ZBTB20: variants seen among roughly 807,000 people sequenced by gnomAD.
The protein encoded by ZBTB20 is zinc finger and BTB domain containing 20, also known as zinc finger and BTB domain-containing protein 20.
In ZBTB20, 9 loss-of-function variants were observed where a neutral mutation model predicts 56.9. The ratio of observed to expected loss-of-function variants is 0.16; its 90% CI spans 0.10 to 0.28. The LOEUF (loss-of-function observed/expected upper bound fraction) is 0.28, where lower values mean the gene tolerates loss of function less well. Among genes scored for constraint, ZBTB20 ranks in the 10% least tolerant of loss-of-function variants. The probability of loss-of-function intolerance (pLI) is 1.00; values close to 1 mark genes in which losing one functional copy is unlikely to be tolerated. For missense variants in ZBTB20, 655 were observed against 1,003.0 expected (o/e 0.65, Z 4.69); for synonymous variants, 417 against 420.7 (o/e 0.99, Z 0.11).
At chr3:114,384,098 C>T (rs1462347242) in intron 8 of ZBTB20, among the ~76,000 whole-genome samples, 1 of 84,514 alleles carries the variant, frequency 1.2e-5, no homozygotes, top group Non-Finnish European at 2.7e-5. Flanking sequence ...TTTCAGTTCT[C>T]ATTCTCTCTC....
At chr3:114,731,309 G>A (rs2065730896) in intron 5 of ZBTB20, among the ~76,000 whole-genome samples, 1 of 152,144 alleles carries the variant, frequency 6.6e-6, no homozygotes. Flanking sequence ...GGGTTGGAAA[G>A]TCATATCTCT....
At chr3:114,566,333 C>A (rs531970962) in intron 6 of ZBTB20, among the ~76,000 whole-genome samples, 2 of 152,104 alleles carry the variant, frequency 1.3e-5, no homozygotes, top group South Asian at 2.1e-4. Context: ...GGTCACACAG[C>A]GAGGATAACA....
intron 2 of ZBTB20, among the ~76,000 whole-genome samples, chr3:115,067,919 T>C (rs953508511): frequency 5.3e-5 from 8 of 152,232 alleles, no homozygotes; most frequent in South Asian, 2.1e-4. Flanking sequence ...GTTATAGATA[T>C]GCATTAATCC....
intron 2 of ZBTB20, among the ~76,000 whole-genome samples, chr3:115,025,122 T>G (rs2080367569): frequency 6.6e-6 from 1 of 151,244 alleles, no homozygotes; most frequent in Non-Finnish European, 1.5e-5. Flanking sequence ...ATGGGCCCAG[T>G]GTGTGTTGTT....
chr3:115,029,132 A>G (rs1182380618), intron 2 of ZBTB20, among the ~76,000 whole-genome samples: 5 of 150,618 alleles, frequency 3.3e-5, no homozygotes. Context: ...ACAATCTCTT[A>G]TTACCAATGA....
At chr3:114,477,763 G>C (rs2040976126) in intron 7 of ZBTB20, among the ~76,000 whole-genome samples, 2 of 151,858 alleles carry the variant, frequency 1.3e-5, no homozygotes, top group East Asian at 3.9e-4. Flanking sequence ...CCAAAGTGCT[G>C]GCATTACAGG....
At chr3:114,555,927 C>T (rs2051161543) in intron 6 of ZBTB20, among the ~76,000 whole-genome samples, 1 of 152,104 alleles carries the variant, frequency 6.6e-6, no homozygotes, top group African/African-American at 2.4e-5. Flanking sequence ...ACTTAAGCAG[C>T]TTGAAACTGG....
chr3:114,805,288 A>G (rs922860879), intron 4 of ZBTB20, among the ~76,000 whole-genome samples: 1 of 151,932 alleles, frequency 6.6e-6, no homozygotes, highest in Non-Finnish European at 1.5e-5. Flanking sequence ...CCAATCCAGG[A>G]TACCATACTG....
intron 4 of ZBTB20, among the ~76,000 whole-genome samples, chr3:114,894,640 C>G (rs2074794430): frequency 6.6e-6 from 1 of 152,098 alleles, no homozygotes; most frequent in South Asian, 2.1e-4. Context: ...CAGATACTTA[C>G]AGAGGGAAGA....
intron 4 of ZBTB20, among the ~76,000 whole-genome samples, chr3:114,879,661 T>C (rs1576205796): frequency 6.6e-6 from 1 of 152,232 alleles, no homozygotes; most frequent in Non-Finnish European, 1.5e-5. Flanking sequence ...CTGAGGCTCA[T>C]TAGATCTTCC....
At chr3:114,354,499 A>G (rs549907151) in intron 10 of ZBTB20, among the ~76,000 whole-genome samples, 8 of 152,172 alleles carry the variant, frequency 5.3e-5, no homozygotes, top group African/African-American at 1.7e-4. Flanking sequence ...GACTGTGTAT[A>G]CAACTTTTTT....
rs184287135 is a variant in ZBTB20, at chr3:115,140,821, A to G, written c.-703+6398T>C. On this transcript the variant is annotated intron_variant, in intron 1 of 11. Coordinates refer to ENST00000675478, the MANE Select transcript of ZBTB20 (RefSeq NM_001348800.3). ...AATTAGAACATCTTTTTAAAAGCCAAAAGTAATTGAAAAGAGATTAAATTG... is the reference window on the plus strand; with the variant it reads ...AATTAGAACATCTTTTTAAAAGCCAGAAGTAATTGAAAAGAGATTAAATTG... 1.1e-4 allele frequency among the ~76,000 whole-genome samples: 17 copies of G among 152,224 alleles called. No homozygotes were observed. In the East Asian group the frequency reaches 3.3e-3, roughly 29 times the overall value.
intron 6 of ZBTB20, among the ~76,000 whole-genome samples, chr3:114,566,555 C>T (rs1214395274): frequency 6.6e-6 from 1 of 152,198 alleles, no homozygotes; most frequent in Non-Finnish European, 1.5e-5. Flanking sequence ...CAGGATGTAG[C>T]AGCTTCCTTT....
intron 3 of ZBTB20, among the ~76,000 whole-genome samples, chr3:114,969,257 G>A (rs1461646563): frequency 6.6e-6 from 1 of 152,156 alleles, no homozygotes; most frequent in Non-Finnish European, 1.5e-5. Flanking sequence ...CAGAAGAAAG[G>A]AGGGAGGATT....
intron 5 of ZBTB20, among the ~76,000 whole-genome samples, chr3:114,728,965 G>T (rs766150380): frequency 6.6e-6 from 1 of 151,984 alleles, no homozygotes; most frequent in Non-Finnish European, 1.5e-5. Context: ...TAATGCATGC[G>T]GAGCTTAATA....
At chr3:114,591,949 C>T (rs866473633) in intron 6 of ZBTB20, among the ~76,000 whole-genome samples, 4 of 152,132 alleles carry the variant, frequency 2.6e-5, no homozygotes, top group African/African-American at 9.7e-5. Flanking sequence ...TTTTGCATCA[C>T]TCTTCCTTGC....
chr3:115,016,309 CTTTAG>C (rs1423954101), intron 2 of ZBTB20, among the ~76,000 whole-genome samples: 2 of 151,864 alleles, frequency 1.3e-5, no homozygotes, highest in Non-Finnish European at 2.9e-5. Flanking sequence ...AGCAGAAGCT[CTTTAG>C]TTTAATTAGA....
At chr3:114,420,515 G>C (rs576744210) in intron 7 of ZBTB20, among the ~76,000 whole-genome samples, 1 of 152,228 alleles carries the variant, frequency 6.6e-6, no homozygotes, top group African/African-American at 2.4e-5. Context: ...AGGAAAGGTT[G>C]ATACAGGAGA....
intron 1 of ZBTB20, among the ~76,000 whole-genome samples, chr3:115,074,904 T>G (rs949830482): frequency 1.3e-5 from 2 of 152,150 alleles, no homozygotes; most frequent in African/African-American, 4.8e-5. Flanking sequence ...TTTTACACTA[T>G]AGAAATCATA....
Sources: allele counts gnomAD v4.1 joint callset (sites outside exome capture counted in the v4.1 genomes callset), GRCh38; gene constraint gnomAD v4.1.1; transcripts MANE v1.5; gene names NCBI Gene and HGNC (gene_info 2026-07-23, HGNC 2026-07-21).